DMD: variants seen among roughly 807,000 people sequenced by gnomAD.
DMD encodes dystrophin.
Under a neutral mutation model 330.1 loss-of-function variants are expected in DMD, and 63 were observed. That is an observed-to-expected ratio of 0.19 (90% CI 0.16 to 0.24). The LOEUF (loss-of-function observed/expected upper bound fraction) is 0.24. DMD is among the 10% of genes least tolerant of loss of function. DMD has a pLI of 1.00. For missense variants in DMD, 3,344 were observed against 2,684.1 expected (o/e 1.25, Z -5.43); for synonymous variants, 1,223 against 959.8 (o/e 1.27, Z -5.07).
intron 7 of DMD, among the ~76,000 whole-genome samples, chrX:32,741,147 A>G (rs1222355941): frequency 9.0e-6 from 1 of 111,710 alleles, no homozygotes; most frequent in Non-Finnish European, 1.9e-5. Flanking sequence ...AATAATCATA[A>G]TAACGCAAGA....
chrX:31,230,799 G>A (rs1321628320), intron 63 of DMD, among the ~76,000 whole-genome samples: 1 of 112,235 alleles, frequency 8.9e-6, no homozygotes, highest in Non-Finnish European at 1.9e-5. Flanking sequence ...AATCCTGGCT[G>A]TGGATTGTTT....
chrX:32,504,727 G>T (rs766892440), intron 18 of DMD, among the ~76,000 whole-genome samples: 1 of 111,139 alleles, frequency 9.0e-6, no homozygotes, highest in Non-Finnish European at 1.9e-5. Context: ...TGGATATAAA[G>T]ATGGGAACAA....
intron 1 of DMD, among the ~76,000 whole-genome samples, chrX:33,081,396 C>G (rs763511516): frequency 8.9e-6 from 1 of 112,060 alleles, no homozygotes; most frequent in South Asian, 3.8e-4. Flanking sequence ...GCCTTAGCCT[C>G]TCAAGTAGCT....
At chrX:32,062,105 T>C (rs911681530) in intron 44 of DMD, among the ~76,000 whole-genome samples, 1 of 111,193 alleles carries the variant, frequency 9.0e-6, no homozygotes, top group Non-Finnish European at 1.9e-5. Context: ...TTCAGGGTCA[T>C]TCAGCTCAAC....
At chrX:33,026,062 G>T (rs1602839740) in intron 1 of DMD, among the ~76,000 whole-genome samples, 2 of 110,159 alleles carry the variant, frequency 1.8e-5, no homozygotes, top group African/African-American at 6.6e-5. Flanking sequence ...GAAGCCGGGC[G>T]CAGTGGCTCA....
At position 31,189,041 on chromosome X, in the gene DMD, T is replaced by C. The variant is rs143639275; in HGVS notation, c.9808-6137A>G. Among the ~76,000 whole-genome samples the C allele has an allele frequency of 8.3e-3, 927 of 111,797 alleles. 14 individuals carry two copies. Among genetic ancestry groups the C allele is most frequent in the African/African-American group, 0.029 (883 of 30,749 alleles). Reference sequence around the variant, plus strand: ...GATTTCTTTGATGTTGTGCTTTCTATAAATCCTTGGACACTGAAGGGCCAA... The same window carrying C: ...GATTTCTTTGATGTTGTGCTTTCTACAAATCCTTGGACACTGAAGGGCCAA... On this transcript the variant is annotated intron_variant, in intron 67 of 78. Transcript: ENST00000357033.
At chrX:33,000,957 A>G (rs1219255765) in intron 2 of DMD, among the ~76,000 whole-genome samples, 3 of 111,194 alleles carry the variant, frequency 2.7e-5, no homozygotes, top group East Asian at 5.7e-4. Context: ...TAATTATTCT[A>G]TATTTTTTAT....
intron 44 of DMD, among the ~76,000 whole-genome samples, chrX:32,057,490 A>G (rs2096186733): frequency 1.8e-5 from 2 of 111,298 alleles, no homozygotes; most frequent in African/African-American, 6.5e-5. Flanking sequence ...AAAACAGGAA[A>G]TTTAGAAAAC....
intron 30 of DMD, among the ~76,000 whole-genome samples, chrX:32,404,685 A>T (rs1242097944): frequency 9.0e-6 from 1 of 111,699 alleles, no homozygotes; most frequent in Non-Finnish European, 1.9e-5. Flanking sequence ...GTAGAAAAGG[A>T]AAAAAATCAT....
chrX:32,810,369 C>T (rs753458928), intron 6 of DMD, among the ~76,000 whole-genome samples: 22 of 111,106 alleles, frequency 2.0e-4, no homozygotes, highest in Admixed American at 8.7e-4. Context: ...ATTATAGATT[C>T]TTCTAAACAC....
chrX:31,794,402 T>G (rs1000764301), intron 50 of DMD, among the ~76,000 whole-genome samples: 2 of 111,807 alleles, frequency 1.8e-5, no homozygotes, highest in Admixed American at 9.5e-5. Context: ...AAAAAATAAC[T>G]TGATATCAAC....
intron 54 of DMD, among the ~76,000 whole-genome samples, chrX:31,629,845 C>A (rs746747403): frequency 2.7e-5 from 3 of 111,823 alleles, no homozygotes; most frequent in Non-Finnish European, 3.8e-5. Context: ...AAGACTTACT[C>A]CATCTCCAGT....
chrX:32,364,454 G>A, intron 36 of DMD, 128 bp downstream of exon 36: 1 of 796,327 alleles, frequency 1.3e-6, no homozygotes, highest in South Asian at 2.3e-5. Flanking sequence ...AGGAAAAAGG[G>A]AAAGATAAAG....
intron 44 of DMD, among the ~76,000 whole-genome samples, chrX:32,028,815 A>ATT (rs754880960): frequency 9.3e-6 from 1 of 107,142 alleles, no homozygotes; most frequent in African/African-American, 3.4e-5. Flanking sequence ...TGCATATACC[A>ATT]TTTTTTTTTT....
chrX:32,214,831 T>G (rs1248071981), intron 44 of DMD, among the ~76,000 whole-genome samples: 1 of 112,015 alleles, frequency 8.9e-6, no homozygotes, highest in Non-Finnish European at 1.9e-5. Context: ...TAAGTTAAAA[T>G]TCACAATGTC....
intron 2 of DMD, among the ~76,000 whole-genome samples, chrX:33,019,477 C>T (rs2093871798): frequency 9.0e-6 from 1 of 111,316 alleles, no homozygotes. Context: ...AATTAAAATG[C>T]AAGTCTTTTA....
chrX:33,152,762 C>A (rs1365571101), intron 1 of DMD, among the ~76,000 whole-genome samples: 2 of 111,038 alleles, frequency 1.8e-5, no homozygotes, highest in African/African-American at 6.6e-5. Flanking sequence ...TCATTCCAAA[C>A]GAGAAAAGCT....
chrX:33,307,555 T>C (rs888012050), intron 1 of DMD, among the ~76,000 whole-genome samples: 3 of 111,368 alleles, frequency 2.7e-5, no homozygotes, highest in Non-Finnish European at 3.8e-5. Flanking sequence ...TAGCTGGGTG[T>C]CGTGGCATAC....
chrX:33,211,330 A>C lies in DMD; in HGVS notation c.-18T>G. ...CAAAGCATTTTGAAAAGTGTATATC[A>C]AGGCAGCGATAAAAAAAACCTGGTA... On this transcript the variant is annotated 5_prime_UTR_variant, in exon 1 of 79. Transcript: ENST00000357033. The C allele has an allele frequency of 8.3e-7, 1 of 1,207,628 alleles. No individual in the cohort carries two copies. The highest frequency in any genetic ancestry group is 1.1e-6 in the Non-Finnish European group (1 of 893,105).
Sources: allele counts gnomAD v4.1 joint callset (sites outside exome capture counted in the v4.1 genomes callset), GRCh38; gene constraint gnomAD v4.1.1; transcripts MANE v1.5; gene names NCBI Gene and HGNC (gene_info 2026-07-23, HGNC 2026-07-21).